Variants in NDST4 observed in about 807,000 individuals in gnomAD.
The protein encoded by NDST4 is N-heparan sulfate sulfotransferase 4.
A neutral mutation model predicts 100.8 loss-of-function variants in NDST4; 63 were observed. The observed-to-expected ratio is 0.62, with a 90% CI of 0.51 to 0.77. NDST4 has a LOEUF of 0.77. Ranked by LOEUF, NDST4 falls within the 30% of genes least tolerant of loss-of-function variation. The pLI is 0.00. For missense variants in NDST4, 943 were observed against 1,018.4 expected (o/e 0.93, Z 1.01); for synonymous variants, 377 against 361.8 (o/e 1.04, Z -0.48).
In NDST4 at chr4:114,969,582, C is replaced by G. The variant is rs143692814; in HGVS notation, c.1221+848G>C. 4.9e-3 allele frequency among the ~76,000 whole-genome samples: 751 copies of G among 152,220 alleles called. 12 individuals carry two copies. Among genetic ancestry groups the G allele is most frequent in the African/African-American group, 0.017 (711 of 41,560 alleles). On this transcript the variant is annotated intron_variant, in intron 4 of 13. Coordinates refer to ENST00000264363, the MANE Select transcript of NDST4 (RefSeq NM_022569.3). ...ACATGCAGTGTTTGGTTTTCTGTTC[C>G]TGTGTCAGTTTGCTTAGGATTATGG... is the stretch of plus-strand genomic sequence containing the variant.
chr4:115,048,079 T>C (rs1728502204), intron 2 of NDST4, among the ~76,000 whole-genome samples: 2 of 149,928 alleles, frequency 1.3e-5, no homozygotes, highest in Non-Finnish European at 2.9e-5. Flanking sequence ...CATCCTCTTA[T>C]ACAGCAGGAA....
intron 6 of NDST4, among the ~76,000 whole-genome samples, chr4:114,898,415 T>G (rs374861192): frequency 1.6e-4 from 25 of 152,336 alleles, no homozygotes; most frequent in African/African-American, 5.8e-4. Context: ...TTGATCTATT[T>G]GTCTGTTGTT....
chr4:115,053,648 T>C (rs1207604494), intron 2 of NDST4, among the ~76,000 whole-genome samples: 1 of 152,154 alleles, frequency 6.6e-6, no homozygotes, highest in Non-Finnish European at 1.5e-5. Context: ...AATGTAAAAA[T>C]CTGTTAGACT....
intron 6 of NDST4, among the ~76,000 whole-genome samples, chr4:114,896,856 T>G (rs889612250): frequency 1.3e-5 from 2 of 152,160 alleles, no homozygotes; most frequent in African/African-American, 4.8e-5. Context: ...TCTTTATGTT[T>G]CCCAGAAGTC....
intron 1 of NDST4, among the ~76,000 whole-genome samples, chr4:115,102,704 CTTTTTT>C (rs751431042): frequency 1.3e-3 from 114 of 90,570 alleles, no homozygotes; most frequent in African/African-American, 5.1e-3. Flanking sequence ...TTCTGACTTC[CTTTTTT>C]TTTTTTTTTT....
intron 2 of NDST4, among the ~76,000 whole-genome samples, chr4:114,980,294 A>G (rs1726738056): frequency 6.6e-6 from 1 of 152,224 alleles, no homozygotes; most frequent in Non-Finnish European, 1.5e-5. Context: ...AGCTCAGGAA[A>G]TACACTTTTT....
At chr4:115,003,992 A>G (rs1727357273) in intron 2 of NDST4, among the ~76,000 whole-genome samples, 1 of 152,150 alleles carries the variant, frequency 6.6e-6, no homozygotes, top group Admixed American at 6.6e-5. Context: ...GAGAACTTGG[A>G]GTCTGTGTAC....
chr4:115,090,326 C>T lies in NDST4; in HGVS notation c.-246-13044G>A, dbSNP rs183740727. Among the ~76,000 whole-genome samples, 751 of 151,730 alleles carry T rather than the reference C, an allele frequency of 4.9e-3. 2 individuals are homozygous for T. The highest frequency in any genetic ancestry group is 6.4e-3 in the Non-Finnish European group (433 of 67,826). Reference sequence around the variant, plus strand: ...ACATTTTTAAAAAATGATATTTACACCTAATTTTTATTTTTTAAAAATCCA... The same window carrying T: ...ACATTTTTAAAAAATGATATTTACATCTAATTTTTATTTTTTAAAAATCCA... On this transcript the variant is annotated intron_variant, in intron 1 of 13. Transcript: ENST00000264363.
At chr4:114,926,554 A>T (rs191191571) in intron 6 of NDST4, among the ~76,000 whole-genome samples, 79 of 147,474 alleles carry the variant, frequency 5.4e-4, no homozygotes, top group East Asian at 4.0e-3. Flanking sequence ...AGTCAAAATT[A>T]AAAAAAAAAC....
chr4:114,854,096 G>A (rs1363322396), intron 7 of NDST4, among the ~76,000 whole-genome samples: 3 of 151,896 alleles, frequency 2.0e-5, no homozygotes, highest in East Asian at 1.9e-4. Context: ...ACCCATTAAC[G>A]ATCCCCATTC....
chr4:114,941,345 C>T (rs1369982080), intron 4 of NDST4, among the ~76,000 whole-genome samples: 2 of 152,090 alleles, frequency 1.3e-5, no homozygotes, highest in Non-Finnish European at 2.9e-5. Context: ...CCTCCCCTCC[C>T]CTCCCCAAAG....
At position 114,937,503 on chromosome 4, in the gene NDST4, C is replaced by A; in HGVS notation, c.1222G>T (p.Glu408Ter). 2 of 1,543,180 alleles carry A rather than the reference C, an allele frequency of 1.3e-6. No individual in the cohort carries two copies. Among genetic ancestry groups the A allele is most frequent in the Non-Finnish European group, 1.7e-6 (2 of 1,146,802 alleles). ...QMILNKEFAL[E>*]HGIPINMGYA... ...CCCATGTTGATTGGTATTCCATGTT[C>A]CTAAAACAAAGCCAGAACAACATCA... Residue 408 changes from glutamate (E) to a stop codon, truncating the protein, a stop_gained and splice_region_variant, in exon 5 of 14, where the codon GAA (glutamate) becomes TAA (stop). Transcript: ENST00000264363. LOFTEE classifies it high-confidence loss of function.
chr4:115,034,755 C>T (rs1033331275), intron 2 of NDST4, among the ~76,000 whole-genome samples: 1 of 152,004 alleles, frequency 6.6e-6, no homozygotes, highest in Non-Finnish European at 1.5e-5. Flanking sequence ...CCAAATGCTC[C>T]CTCAGCCTGC....
chr4:115,032,248 A>G (rs1484671602), intron 2 of NDST4, among the ~76,000 whole-genome samples: 1 of 152,032 alleles, frequency 6.6e-6, no homozygotes, highest in Admixed American at 6.6e-5. Context: ...AATTAAAATG[A>G]CCCCAAGAAA....
intron 2 of NDST4, among the ~76,000 whole-genome samples, chr4:115,071,838 G>C (rs1431886845): frequency 6.6e-6 from 1 of 151,776 alleles, no homozygotes. Flanking sequence ...AAAAAATAAA[G>C]TCAAAAAGCA....
chr4:114,996,160 C>T (rs1328674062), intron 2 of NDST4, among the ~76,000 whole-genome samples: 1 of 152,004 alleles, frequency 6.6e-6, no homozygotes, highest in African/African-American at 2.4e-5. Context: ...AAGGGCAGGA[C>T]CAGGTAGAGG....
intron 7 of NDST4, among the ~76,000 whole-genome samples, chr4:114,869,421 A>T (rs1724100455): frequency 6.6e-6 from 1 of 152,122 alleles, no homozygotes; most frequent in Admixed American, 6.6e-5. Context: ...TGACAAAAGA[A>T]TTGATTTACC....
chr4:115,036,104 G>A (rs894672440), intron 2 of NDST4, among the ~76,000 whole-genome samples: 1 of 151,766 alleles, frequency 6.6e-6, no homozygotes, highest in Non-Finnish European at 1.5e-5. Flanking sequence ...AATAGGTAAT[G>A]TAGTAACACA....
At chr4:114,891,114 C>A (rs1003685091) in intron 6 of NDST4, among the ~76,000 whole-genome samples, 73 of 152,120 alleles carry the variant, frequency 4.8e-4, no homozygotes, top group Non-Finnish European at 1.6e-4. Context: ...ACAATGATGA[C>A]TTTTCCTTTG....
Sources: gnomAD v4.1 joint callset for allele counts (sites outside exome capture counted in the v4.1 genomes callset) on GRCh38, gnomAD v4.1.1 for gene constraint, MANE v1.5 for transcripts, NCBI Gene and HGNC (gene_info 2026-07-23, HGNC 2026-07-21) for gene names.